The following CCDC102B variants were observed in gnomAD, a reference collection of about 807,000 sequenced individuals.
The protein encoded by CCDC102B is coiled-coil domain containing 102B.
Under a neutral mutation model 57.4 loss-of-function variants are expected in CCDC102B, and 75 were observed. The ratio of observed to expected loss-of-function variants is 1.31; its 90% CI spans 1.08 to 1.58. The LOEUF is 1.58. Ranked by LOEUF, CCDC102B falls within the 40% of genes most tolerant of loss-of-function variation. The pLI is 0.00. For missense variants in CCDC102B, 636 were observed against 582.6 expected (o/e 1.09, Z -0.94); for synonymous variants, 206 against 201.9 (o/e 1.02, Z -0.17).
At chr18:68,961,469 CT>C (rs1349374012) in intron 6 of CCDC102B, among the ~76,000 whole-genome samples, 1 of 151,758 alleles carries the variant, frequency 6.6e-6, no homozygotes, top group East Asian at 1.9e-4. Context: ...ATGACTATTT[CT>C]TTAAAGTTGA....
At chr18:68,918,408 T>C (rs2041153549) in intron 6 of CCDC102B, among the ~76,000 whole-genome samples, 3 of 152,198 alleles carry the variant, frequency 2.0e-5, no homozygotes, top group Admixed American at 6.5e-5. Context: ...ATTCTGTGTC[T>C]ACCTCCAGGT....
chr18:68,988,577 G>GA lies in CCDC102B; in HGVS notation c.1264-22349dup, dbSNP rs959099386. ...ATTACAAAAAAAAACAAAAAAAAAGGAAAAAAAAGAATTACTCTGGGTCAG... is the reference window on the plus strand; with the variant it reads ...ATTACAAAAAAAAACAAAAAAAAAGGAAAAAAAAAGAATTACTCTGGGTCAG... On this transcript the variant is annotated intron_variant, in intron 6 of 7. Coordinates refer to ENST00000360242, the MANE Select transcript of CCDC102B (RefSeq NM_024781.3). 1.1e-4 allele frequency among the ~76,000 whole-genome samples: 16 copies of GA among 148,982 alleles called. No individual in the cohort carries two copies. In the East Asian group the frequency reaches 1.8e-3, roughly 16 times the overall value.
intron 6 of CCDC102B, among the ~76,000 whole-genome samples, chr18:68,964,076 T>C (rs2050112198): frequency 6.6e-6 from 1 of 151,948 alleles, no homozygotes; most frequent in African/African-American, 2.4e-5. Context: ...AATTTTCATC[T>C]CTAATTGCTT....
At chr18:68,818,769 A>C (rs1479774987) in intron 1 of CCDC102B, among the ~76,000 whole-genome samples, 1 of 152,182 alleles carries the variant, frequency 6.6e-6, no homozygotes, top group Non-Finnish European at 1.5e-5. Flanking sequence ...GTTTATAGAC[A>C]AAGATACATT....
intron 2 of CCDC102B, among the ~76,000 whole-genome samples, chr18:68,751,112 T>C (rs1259249782): frequency 6.6e-6 from 1 of 151,946 alleles, no homozygotes; most frequent in East Asian, 1.9e-4. Context: ...GAGAAAGATA[T>C]AGAGAAGATA....
At chr18:68,856,730 A>G (rs867226017) in intron 4 of CCDC102B, among the ~76,000 whole-genome samples, 2 of 152,112 alleles carry the variant, frequency 1.3e-5, no homozygotes, top group South Asian at 2.1e-4. Context: ...ATAAATTAAA[A>G]TGGTATCACT....
In CCDC102B at chr18:68,874,170, ATGTGTGTGTG is replaced by A. The variant is rs34176363; in HGVS notation, c.937-465_937-456del. ...TTATCAGCCCAAGCAGTGTGTGTGT[ATGTGTGTGTG>A]TGTGTGTGTGTGTGTGTGTGTGTGT... is the stretch of plus-strand genomic sequence containing the variant. On this transcript the variant is annotated intron_variant, in intron 4 of 7. Coordinates refer to ENST00000360242, the MANE Select transcript of CCDC102B (RefSeq NM_024781.3). Among the ~76,000 whole-genome samples the A allele has an allele frequency of 6.5e-3, 895 of 138,312 alleles. 7 individuals are homozygous for A. Among genetic ancestry groups the A allele is most frequent in the African/African-American group, 0.016 (583 of 36,434 alleles). 90.7% of individuals were successfully genotyped at this position (138,312 alleles called of 152,430 possible).
chr18:68,956,387 AAT>A (rs1240398551), intron 6 of CCDC102B, among the ~76,000 whole-genome samples: 76 of 47,376 alleles, frequency 1.6e-3, no homozygotes, highest in Non-Finnish European at 2.0e-3. Context: ...TATAATATAT[AAT>A]ATATATATAA....
At chr18:68,933,220 CTGACTCTAACAA>C (rs1650442162) in intron 6 of CCDC102B, among the ~76,000 whole-genome samples, 1 of 151,822 alleles carries the variant, frequency 6.6e-6, no homozygotes, top group Non-Finnish European at 1.5e-5. Flanking sequence ...CCAGGGCTGG[CTGACTCTAACAA>C]TGACTCCAGC....
chr18:68,893,806 T>G (rs929898137), intron 5 of CCDC102B, among the ~76,000 whole-genome samples: 1 of 152,162 alleles, frequency 6.6e-6, no homozygotes, highest in Admixed American at 6.6e-5. Context: ...TATTACAGTT[T>G]TTACAAGCAA....
intron 6 of CCDC102B, among the ~76,000 whole-genome samples, chr18:68,965,720 T>G (rs2050151461): frequency 6.6e-6 from 1 of 152,134 alleles, no homozygotes; most frequent in Non-Finnish European, 1.5e-5. Context: ...TCTGATTATC[T>G]TTTTCCATTT....
At chr18:68,765,399 G>T (rs1001911303) in intron 2 of CCDC102B, among the ~76,000 whole-genome samples, 1 of 145,768 alleles carries the variant, frequency 6.9e-6, no homozygotes, top group South Asian at 2.1e-4. Context: ...AGAAAAGAAA[G>T]GAAGGAAGGA....
chr18:68,948,125 ATG>A (rs1471430891), intron 6 of CCDC102B, among the ~76,000 whole-genome samples: 3 of 152,136 alleles, frequency 2.0e-5, no homozygotes, highest in Non-Finnish European at 4.4e-5. Flanking sequence ...TAGTGCCTAC[ATG>A]TGTGTTTAAG....
chr18:69,034,264 T>C (rs1288104829), intron 7 of CCDC102B, among the ~76,000 whole-genome samples: 1 of 152,028 alleles, frequency 6.6e-6, no homozygotes, highest in Non-Finnish European at 1.5e-5. Context: ...GCTTGAGCTT[T>C]TGTTGCTGTG....
chr18:68,820,234 A>G (rs2036641527), intron 1 of CCDC102B, among the ~76,000 whole-genome samples: 1 of 151,962 alleles, frequency 6.6e-6, no homozygotes, highest in African/African-American at 2.4e-5. Flanking sequence ...TTTCCCTTCT[A>G]TTTTTAGCTG....
intron 2 of CCDC102B, among the ~76,000 whole-genome samples, chr18:68,765,361 G>GAAAGAAAGAAAGAAAGA: frequency 7.9e-6 from 1 of 126,740 alleles, no homozygotes; most frequent in South Asian, 2.5e-4. Context: ...AAGAAAGAAA[G>GAAAGAAAGAAAGAAAGA]AAAGAAAGAA....
At chr18:68,832,191 A>C (rs944936430) in intron 1 of CCDC102B, among the ~76,000 whole-genome samples, 4 of 152,174 alleles carry the variant, frequency 2.6e-5, no homozygotes, top group African/African-American at 9.7e-5. Context: ...AAATCTTTTT[A>C]ATGTCTCTTT....
At chr18:68,946,058 A>G (rs1163975575) in intron 6 of CCDC102B, among the ~76,000 whole-genome samples, 2 of 151,946 alleles carry the variant, frequency 1.3e-5, no homozygotes, top group African/African-American at 4.8e-5. Context: ...AGTAGTTTGT[A>G]GCTTTTTGTA....
At chr18:68,773,038 T>C (rs928682911) in intron 2 of CCDC102B, among the ~76,000 whole-genome samples, 1 of 152,010 alleles carries the variant, frequency 6.6e-6, no homozygotes, top group African/African-American at 2.4e-5. Context: ...AAAAGCTGAA[T>C]ATAAAATAGA....
Sources: gnomAD v4.1 joint callset for allele counts (sites outside exome capture counted in the v4.1 genomes callset) on GRCh38, gnomAD v4.1.1 for gene constraint, MANE v1.5 for transcripts, NCBI Gene and HGNC (gene_info 2026-07-23, HGNC 2026-07-21) for gene names.